SULF1: variants seen among roughly 807,000 people sequenced by gnomAD.
The protein encoded by SULF1 is sulfatase 1.
A neutral mutation model predicts 110.5 loss-of-function variants in SULF1; 46 were observed. The ratio of observed to expected loss-of-function variants is 0.42; its 90% CI spans 0.33 to 0.53. The LOEUF (loss-of-function observed/expected upper bound fraction) is 0.53. SULF1 is among the 20% of genes least tolerant of loss of function. The pLI is 0.12. For missense variants in SULF1, 941 were observed against 1,094.2 expected (o/e 0.86, Z 1.98); for synonymous variants, 371 against 387.1 (o/e 0.96, Z 0.49).
At chr8:69,556,223 T>C (rs1815108704) in intron 3 of SULF1, among the ~76,000 whole-genome samples, 1 of 152,186 alleles carries the variant, frequency 6.6e-6, no homozygotes, top group Non-Finnish European at 1.5e-5. Context: ...GTTTGTGGCA[T>C]AGACATTAGT....
chr8:69,480,266 T>C (rs1809463672), intron 1 of SULF1, among the ~76,000 whole-genome samples: 1 of 152,194 alleles, frequency 6.6e-6, no homozygotes, highest in African/African-American at 2.4e-5. Flanking sequence ...GAAAGCAGTG[T>C]GTCATTTCTG....
At chr8:69,623,587 A>T (rs1475452425) in intron 14 of SULF1, among the ~76,000 whole-genome samples, 1 of 152,268 alleles carries the variant, frequency 6.6e-6, no homozygotes, top group African/African-American at 2.4e-5. Flanking sequence ...AAATAGCCTG[A>T]GCAGTTCACA....
chr8:69,601,978 T>C (rs1586520701), intron 10 of SULF1, 149 bp downstream of exon 10: 1 of 751,790 alleles, frequency 1.3e-6, no homozygotes. Flanking sequence ...GAAAACCTTT[T>C]CCTCCCTGCC....
chr8:69,532,900 T>C (rs1285735440), intron 3 of SULF1, among the ~76,000 whole-genome samples: 12 of 152,188 alleles, frequency 7.9e-5, no homozygotes. Flanking sequence ...CTATTCTAGG[T>C]ATCTCATATA....
rs1418809846 is a variant in SULF1 at position 69,493,443 on chromosome 8, A to T, written c.-391+318A>T. ...ATACACACCACACACACACACACAC[A>T]ACACTACACACACACACACACACAC... is the stretch of plus-strand genomic sequence containing the variant. On this transcript the variant is annotated intron_variant, in intron 1 of 22. Coordinates refer to ENST00000402687, the MANE Select transcript of SULF1 (RefSeq NM_001128205.2). Among the ~76,000 whole-genome samples, 44 of 139,196 alleles carry T rather than the reference A, an allele frequency of 3.2e-4. 1 individual carries two copies. The East Asian group carries it at 6.2e-3, about 20-fold the overall frequency. 91.3% of individuals were successfully genotyped at this position (139,196 alleles called of 152,430 possible).
At chr8:69,586,587 A>G (rs1370235884) in intron 7 of SULF1, 79 bp downstream of exon 7, 2 of 1,432,050 alleles carry the variant, frequency 1.4e-6, no homozygotes, top group South Asian at 1.3e-5. Context: ...GAGTTAAACT[A>G]TCCACAAGAT....
chr8:69,580,519 CTGTATGATG>C (rs1373477255), intron 6 of SULF1, among the ~76,000 whole-genome samples: 1 of 152,188 alleles, frequency 6.6e-6, no homozygotes, highest in Middle Eastern at 3.2e-3. Flanking sequence ...GTTTTCCAAT[CTGTATGATG>C]CAGAGATTGG....
chr8:69,616,042 G>T (rs1388001405), intron 13 of SULF1, among the ~76,000 whole-genome samples: 1 of 149,394 alleles, frequency 6.7e-6, no homozygotes, highest in Non-Finnish European at 1.5e-5. Context: ...TATTTTTCAA[G>T]AATATATATA....
rs1030352947 is a variant in SULF1, at chr8:69,539,466, T to C, written c.-133-24073T>C. On this transcript the variant is annotated intron_variant, in intron 3 of 22. Transcript: ENST00000402687. ...GCTTGGCAATTGCTAACTAGATATG[T>C]AGATATGACTGCAAACACCAAGGGA... Among the ~76,000 whole-genome samples, 4 of 152,346 alleles carry C rather than the reference T, an allele frequency of 2.6e-5. No individual in the cohort carries two copies. In the South Asian group the frequency reaches 8.3e-4, roughly 32 times the overall value.
At chr8:69,470,816 C>A (rs980713456) in intron 1 of SULF1, among the ~76,000 whole-genome samples, 1 of 152,178 alleles carries the variant, frequency 6.6e-6, no homozygotes. Context: ...CCATTTCTCC[C>A]CGCCAAATCC....
At chr8:69,516,386 T>TAA (rs11322683) in intron 3 of SULF1, among the ~76,000 whole-genome samples, 3 of 148,404 alleles carry the variant, frequency 2.0e-5, no homozygotes, top group African/African-American at 7.4e-5. Context: ...GCTACACACT[T>TAA]AAAAAAAAAA....
chr8:69,513,242 G>A (rs1481883108), intron 3 of SULF1, among the ~76,000 whole-genome samples: 1 of 152,134 alleles, frequency 6.6e-6, no homozygotes, highest in Admixed American at 6.5e-5. Context: ...GTCCCCTTGT[G>A]GTAAATTTTT....
intron 10 of SULF1, 120 bp downstream of exon 10, chr8:69,601,949 G>C (rs555197317): frequency 3.8e-6 from 4 of 1,047,764 alleles, no homozygotes; most frequent in African/African-American, 1.6e-5. Flanking sequence ...ATGTGTGTAG[G>C]CTGGTTAATT....
Position 69,628,195 on chromosome 8 carries a change from AAAAAAGC to A in SULF1, c.2070_2076del (p.Lys691ArgfsTer3). The A allele has an allele frequency of 1.9e-6, 3 of 1,613,828 alleles. No individual in the cohort carries two copies. The highest frequency in any genetic ancestry group is 2.5e-6 in the Non-Finnish European group (3 of 1,179,682). On this transcript the variant is annotated frameshift_variant, in exon 18 of 23. Coordinates refer to ENST00000402687, the MANE Select transcript of SULF1 (RefSeq NM_001128205.2). LOFTEE classifies it high-confidence loss of function. The stretch of plus-strand genomic sequence containing the variant: ...GCTATTACAATAAAGAGAAAGGTGT[AAAAAAGC>A]AAGAGAAATTAAAGAGCCATCTTCA...
At chr8:69,493,877 G>T (rs1173579708) in intron 1 of SULF1, among the ~76,000 whole-genome samples, 1 of 152,202 alleles carries the variant, frequency 6.6e-6, no homozygotes, top group East Asian at 1.9e-4. Flanking sequence ...CAGAGATTAT[G>T]CTCACTGCTT....
At chr8:69,628,974 C>T (rs1810313620) in intron 18 of SULF1, among the ~76,000 whole-genome samples, 1 of 152,118 alleles carries the variant, frequency 6.6e-6, no homozygotes, top group South Asian at 2.1e-4. Flanking sequence ...AATGTTGGTC[C>T]TCTTAGGTTC....
chr8:69,481,117 CAAG>C (rs1303554793), intron 1 of SULF1, among the ~76,000 whole-genome samples: 6 of 152,034 alleles, frequency 3.9e-5, no homozygotes, highest in African/African-American at 1.2e-4. Flanking sequence ...GTAAGTATCT[CAAG>C]AAAGCCATTA....
At chr8:69,655,976 T>C (rs7820942) in intron 22 of SULF1, among the ~76,000 whole-genome samples, 3 of 152,076 alleles carry the variant, frequency 2.0e-5, no homozygotes, top group Admixed American at 2.0e-4. Context: ...CATTTCCCCA[T>C]TGATTTCTTG....
chr8:69,601,567 AG>A, intron 9 of SULF1, 86 bp from the exon 10 acceptor site: 3 of 1,171,566 alleles, frequency 2.6e-6, no homozygotes, highest in Non-Finnish European at 3.5e-6. Flanking sequence ...AACAGGAAAA[AG>A]ATTTGGGGGC....
Sources: allele counts gnomAD v4.1 joint callset (sites outside exome capture counted in the v4.1 genomes callset), GRCh38; gene constraint gnomAD v4.1.1; transcripts MANE v1.5; gene names NCBI Gene and HGNC (gene_info 2026-07-23, HGNC 2026-07-21).